MEI4: variants seen among roughly 807,000 people sequenced by gnomAD.
MEI4 encodes meiosis-specific protein MEI4.
A neutral mutation model predicts 31.4 loss-of-function variants in MEI4; 27 were observed. The ratio of observed to expected loss-of-function variants is 0.86; its 90% CI spans 0.63 to 1.19. MEI4 has a LOEUF of 1.19. Among genes scored for constraint, MEI4 ranks in the 50% most tolerant of loss-of-function variants. The pLI is 0.00. For missense variants in MEI4, 329 were observed against 398.9 expected, an observed-to-expected ratio of 0.82 and a Z score of 1.49; for synonymous variants, 122 against 145.4, an observed-to-expected ratio of 0.84 and a Z score of 1.16.
intron 4 of MEI4, among the ~76,000 whole-genome samples, chr6:77,877,450 T>A (rs1771368603): frequency 1.3e-5 from 2 of 149,550 alleles, no homozygotes; most frequent in South Asian, 4.2e-4. Flanking sequence ...GAAGGAAAAT[T>A]AAGCCATTTC....
At chr6:77,713,001 T>C (rs1488572987) in intron 2 of MEI4, among the ~76,000 whole-genome samples, 4 of 150,676 alleles carry the variant, frequency 2.7e-5, no homozygotes, top group Non-Finnish European at 5.9e-5. Flanking sequence ...GCATTATTGA[T>C]GGAGCATTAG....
At chr6:77,730,631 TTTA>T (rs1377385085) in intron 2 of MEI4, among the ~76,000 whole-genome samples, 3 of 151,560 alleles carry the variant, frequency 2.0e-5, no homozygotes, top group Admixed American at 6.6e-5. Context: ...TTTACTTTTA[TTTA>T]TTATTATTAT....
chr6:77,853,785 T>G (rs1410901340), intron 4 of MEI4, among the ~76,000 whole-genome samples: 2 of 152,192 alleles, frequency 1.3e-5, no homozygotes, highest in South Asian at 4.1e-4. Flanking sequence ...AATGAGATAA[T>G]GAGAGGTCTA....
chr6:77,681,134 G>A (rs1768949462), intron 1 of MEI4, among the ~76,000 whole-genome samples: 1 of 152,098 alleles, frequency 6.6e-6, no homozygotes, highest in Non-Finnish European at 1.5e-5. Context: ...GTCCTGAAAA[G>A]CCTGGTCTCT....
rs1766377419 is a variant in MEI4 at position 77,909,383 on chromosome 6, C to T, written c.901-13706C>T. ...AAAAATGATAAAGGGGATATCACCA[C>T]CGATCCCACAGAAATACAAACTACC... On this transcript the variant is annotated intron_variant, in intron 4 of 4. Coordinates refer to ENST00000684080, the MANE Select transcript of MEI4 (RefSeq NM_001322247.2). 2.0e-5 allele frequency among the ~76,000 whole-genome samples: 3 copies of T among 152,142 alleles called. No individual in the cohort carries two copies. In the East Asian group the frequency reaches 5.8e-4, roughly 29 times the overall value.
chr6:77,766,309 C>T (rs111255410), intron 3 of MEI4, among the ~76,000 whole-genome samples: 1 of 152,118 alleles, frequency 6.6e-6, no homozygotes, highest in African/African-American at 2.4e-5. Context: ...GTTGGTGATT[C>T]CCTCTAGTAC....
At chr6:77,904,298 A>T (rs115259741) in intron 4 of MEI4, among the ~76,000 whole-genome samples, 108 of 152,206 alleles carry the variant, frequency 7.1e-4, no homozygotes, top group African/African-American at 2.6e-3. Context: ...ACGTAGCTTT[A>T]ATTTTCTTTC....
At position 77,694,508 on chromosome 6, in the gene MEI4, A is replaced by C. The variant is rs9443443; in HGVS notation, c.232+3605A>C. On this transcript the variant is annotated intron_variant, in intron 2 of 4. Transcript: ENST00000684080. ...ATTCCCACCTATGAGTGAGAACATA[A>C]GGTGTTTGGTTTTTTGTCCTTGTGA... 6.9e-3 allele frequency among the ~76,000 whole-genome samples: 1,049 copies of C among 151,486 alleles called. 13 individuals are homozygous for C. Among genetic ancestry groups the C allele is most frequent in the African/African-American group, 0.024 (989 of 41,272 alleles).
chr6:77,687,843 C>G (rs983098936), intron 1 of MEI4, among the ~76,000 whole-genome samples: 4 of 152,052 alleles, frequency 2.6e-5, no homozygotes, highest in African/African-American at 9.7e-5. Context: ...CCTGAAAGCT[C>G]TCTGAATCCC....
intron 4 of MEI4, among the ~76,000 whole-genome samples, chr6:77,918,291 C>T (rs1766615038): frequency 6.7e-6 from 1 of 148,310 alleles, no homozygotes; most frequent in African/African-American, 2.5e-5. Flanking sequence ...GTAGTTTTTT[C>T]CAATTCTGTG....
intron 2 of MEI4, among the ~76,000 whole-genome samples, chr6:77,745,766 C>T (rs542153168): frequency 1.3e-5 from 2 of 152,226 alleles, no homozygotes; most frequent in South Asian, 4.1e-4. Flanking sequence ...TTATAACAAA[C>T]TCTCTCTCAG....
intron 4 of MEI4, among the ~76,000 whole-genome samples, chr6:77,905,444 A>G (rs565532329): frequency 3.2e-5 from 4 of 124,620 alleles, no homozygotes; most frequent in African/African-American, 8.2e-5. Context: ...CAGAAAATTT[A>G]TATCTTTCTA....
At chr6:77,821,919 G>C (rs1769835974) in intron 3 of MEI4, among the ~76,000 whole-genome samples, 3 of 151,476 alleles carry the variant, frequency 2.0e-5, no homozygotes, top group Admixed American at 2.0e-4. Context: ...ACTAATTTAG[G>C]CTTCATCTTA....
chr6:77,748,094 T>C (rs1767663467), intron 2 of MEI4, among the ~76,000 whole-genome samples: 1 of 152,208 alleles, frequency 6.6e-6, no homozygotes, highest in South Asian at 2.1e-4. Context: ...CCCATGGCTT[T>C]TCCAGGCACA....
intron 2 of MEI4, among the ~76,000 whole-genome samples, chr6:77,754,914 C>A (rs1375395940): frequency 2.0e-5 from 3 of 152,176 alleles, no homozygotes; most frequent in Non-Finnish European, 4.4e-5. Context: ...CCAGGCCTCT[C>A]CCTTGACATG....
At chr6:77,758,995 G>A (rs1349282157) in intron 2 of MEI4, among the ~76,000 whole-genome samples, 1 of 152,108 alleles carries the variant, frequency 6.6e-6, no homozygotes, top group Non-Finnish European at 1.5e-5. Flanking sequence ...ATTGCAATAA[G>A]TTCTCTGTCT....
At chr6:77,726,761 G>T (rs947318007) in intron 2 of MEI4, among the ~76,000 whole-genome samples, 7 of 152,266 alleles carry the variant, frequency 4.6e-5, no homozygotes, top group Middle Eastern at 3.4e-3. Flanking sequence ...GATGAGAAGA[G>T]AATGGACTAG....
intron 3 of MEI4, among the ~76,000 whole-genome samples, chr6:77,802,756 T>C (rs1332637743): frequency 1.3e-5 from 2 of 152,186 alleles, no homozygotes; most frequent in Non-Finnish European, 1.5e-5. Context: ...GATATGAAAT[T>C]TTGTCTTGAA....
chr6:77,829,838 T>A lies in MEI4; in HGVS notation c.900+776T>A, dbSNP rs576927261. ...GAACTTTAATAAAATATTGTATATGTATGTAATTTAAATGGCTTTTAACAA... is the reference window on the plus strand; with the variant it reads ...GAACTTTAATAAAATATTGTATATGAATGTAATTTAAATGGCTTTTAACAA... On this transcript the variant is annotated intron_variant, in intron 4 of 4. Coordinates refer to ENST00000684080, the MANE Select transcript of MEI4 (RefSeq NM_001322247.2). Among the ~76,000 whole-genome samples, 3 of 152,276 alleles carry A rather than the reference T, an allele frequency of 2.0e-5. No homozygotes were observed. The South Asian group carries it at 6.2e-4, about 32-fold the overall frequency.
Sources: gnomAD v4.1 joint callset for allele counts (sites outside exome capture counted in the v4.1 genomes callset) on GRCh38, gnomAD v4.1.1 for gene constraint, MANE v1.5 for transcripts, NCBI Gene and HGNC (gene_info 2026-07-23, HGNC 2026-07-21) for gene names.